Variants in KMT2C observed in about 807,000 individuals in gnomAD.
KMT2C encodes lysine methyltransferase 2C.
KMT2C carries 88 observed loss-of-function variants against 507.9 expected under a neutral mutation model. The observed-to-expected ratio is 0.17, with a 90% CI of 0.15 to 0.21. The LOEUF is 0.21. Ranked by LOEUF, KMT2C falls within the 10% of genes least tolerant of loss-of-function variation. The probability of loss-of-function intolerance (pLI) is 1.00; values close to 1 mark genes in which losing one functional copy is unlikely to be tolerated. For missense variants in KMT2C, 4,954 were observed against 5,957.8 expected, an observed-to-expected ratio of 0.83 and a Z score of 5.55; for synonymous variants, 2,049 against 2,080.8, an observed-to-expected ratio of 0.98 and a Z score of 0.42.
At chr7:152,263,860 T>G (rs1325403797) in intron 8 of KMT2C, among the ~76,000 whole-genome samples, 2 of 152,096 alleles carry the variant, frequency 1.3e-5, no homozygotes, top group Admixed American at 6.5e-5. Flanking sequence ...ATAATCACTT[T>G]CAGATACTAT....
chr7:152,332,373 A>G (rs2096892456), intron 2 of KMT2C, among the ~76,000 whole-genome samples: 1 of 152,164 alleles, frequency 6.6e-6, no homozygotes, highest in African/African-American at 2.4e-5. Context: ...TTCTAATTTG[A>G]AATTTATTTA....
At position 152,158,881 on chromosome 7, in the gene KMT2C, C is replaced by T. The variant is rs777762993; in HGVS notation, c.11652G>A (p.Thr3884=). The change falls in exon 44 of 59, where the codon ACG becomes ACA. Residue 3884 remains threonine (T), a synonymous_variant. Coordinates refer to ENST00000262189, the MANE Select transcript of KMT2C (RefSeq NM_170606.3). ...EKQAMYSSTD[T]FTHLKQQNNL... ...CCCTCACCTGTTTCAAGTGGGTAAA[C>T]GTGTCAGTGCTAGAGTACATAGCTT... The T allele has an allele frequency of 6.8e-6, 11 of 1,614,042 alleles. 1 individual carries two copies. Among genetic ancestry groups the T allele is most frequent in the South Asian group, 2.2e-5 (2 of 91,082 alleles).
intron 52 of KMT2C, 76 bp downstream of exon 52, chr7:152,147,956 GA>G: frequency 7.0e-7 from 1 of 1,437,644 alleles, no homozygotes; most frequent in Non-Finnish European, 9.3e-7. Flanking sequence ...GACAAACATG[GA>G]AAATTGACAA....
chr7:152,376,166 A>G (rs1564036103), intron 1 of KMT2C, among the ~76,000 whole-genome samples: 1 of 152,166 alleles, frequency 6.6e-6, no homozygotes, highest in Non-Finnish European at 1.5e-5. Flanking sequence ...GATGGCTAAC[A>G]TATAATGTGT....
chr7:152,374,339 ATAAT>A (rs1038213997), intron 1 of KMT2C, among the ~76,000 whole-genome samples: 22 of 151,508 alleles, frequency 1.5e-4, no homozygotes, highest in Admixed American at 1.1e-3. Context: ...AATAATAATA[ATAAT>A]TAATAAAAAT....
intron 1 of KMT2C, among the ~76,000 whole-genome samples, chr7:152,431,984 T>C (rs1157128454): frequency 2.6e-5 from 4 of 152,182 alleles, no homozygotes; most frequent in African/African-American, 7.2e-5. Flanking sequence ...GGGAAGGGCG[T>C]TACAAATACA....
intron 1 of KMT2C, among the ~76,000 whole-genome samples, chr7:152,397,965 CTTGTT>C (rs1219384686): frequency 6.6e-6 from 1 of 152,138 alleles, no homozygotes; most frequent in Non-Finnish European, 1.5e-5. Context: ...AACACTCATT[CTTGTT>C]TTGAGTCTTC....
intron 1 of KMT2C, among the ~76,000 whole-genome samples, chr7:152,434,253 T>TAC (rs2097894133): frequency 6.6e-6 from 1 of 152,226 alleles, no homozygotes; most frequent in African/African-American, 2.4e-5. Context: ...TGTAATAATG[T>TAC]ACACACATCC....
At chr7:152,290,042 A>C (rs2096382438) in intron 6 of KMT2C, among the ~76,000 whole-genome samples, 1 of 149,194 alleles carries the variant, frequency 6.7e-6, no homozygotes, top group Non-Finnish European at 1.5e-5. Context: ...TTCTGTCTCA[A>C]AACAAACAAA....
At chr7:152,297,342 C>G (rs1028507119) in intron 6 of KMT2C, among the ~76,000 whole-genome samples, 7 of 152,110 alleles carry the variant, frequency 4.6e-5, no homozygotes, top group African/African-American at 1.7e-4. Context: ...AATAACTGCA[C>G]AGAATGCTGA....
intron 2 of KMT2C, among the ~76,000 whole-genome samples, chr7:152,346,733 G>T (rs1438160811): frequency 6.6e-6 from 1 of 152,098 alleles, no homozygotes; most frequent in Non-Finnish European, 1.5e-5. Context: ...TTGACAGGAA[G>T]CCTTACCAAT....
In KMT2C at chr7:152,180,783, C is replaced by T. The variant is rs201191473; in HGVS notation, c.7077G>A (p.Val2359=). 9.3e-6 allele frequency: 15 copies of T among 1,614,110 alleles called. No individual in the cohort carries two copies. The Admixed American group carries it at 2.5e-4, about 27-fold the overall frequency. Residue 2359 remains valine, a synonymous_variant, in exon 36 of 59, where the codon GTG becomes GTA. Transcript: ENST00000262189. ...GTGTATCAGTTACTCCTGAAGTTGG[C>T]ACAGGTCCAGGAAGTTGGGAGACAC... ...FSGVSQLPGP[V]PTSGVTDTQN...
intron 23 of KMT2C, among the ~76,000 whole-genome samples, chr7:152,211,876 G>A (rs1199370754): frequency 3.9e-5 from 6 of 152,178 alleles, no homozygotes; most frequent in Admixed American, 3.3e-4. Context: ...GTGAAAACCC[G>A]TCTCTACTAA....
chr7:152,361,493 G>A (rs1432606134), intron 1 of KMT2C, among the ~76,000 whole-genome samples: 3 of 152,108 alleles, frequency 2.0e-5, no homozygotes, highest in Non-Finnish European at 4.4e-5. Flanking sequence ...AACCCGGGAG[G>A]CAGAGGTTGC....
At chr7:152,319,848 C>T (rs1429794698) in intron 3 of KMT2C, among the ~76,000 whole-genome samples, 5 of 152,122 alleles carry the variant, frequency 3.3e-5, no homozygotes, top group Admixed American at 3.3e-4. Context: ...CTCTCTCTGC[C>T]TCAGCTGCCA....
At chr7:152,426,568 T>G (rs1564215838) in intron 1 of KMT2C, among the ~76,000 whole-genome samples, 12 of 152,124 alleles carry the variant, frequency 7.9e-5, no homozygotes. Flanking sequence ...GTGAGTTTGG[T>G]TTCTAATCAC....
chr7:152,361,159 G>C (rs1315952210), intron 1 of KMT2C, among the ~76,000 whole-genome samples: 1 of 152,056 alleles, frequency 6.6e-6, no homozygotes, highest in Non-Finnish European at 1.5e-5. Flanking sequence ...TAAATAAAAA[G>C]ACTACAAAAC....
intron 2 of KMT2C, among the ~76,000 whole-genome samples, chr7:152,341,444 T>C (rs1446331458): frequency 4.6e-5 from 7 of 152,216 alleles, no homozygotes; most frequent in Admixed American, 4.6e-4. Flanking sequence ...GCAGTCAGTA[T>C]TTCAAACACT....
chr7:152,275,144 C>A (rs1409742555), intron 6 of KMT2C, among the ~76,000 whole-genome samples: 1 of 152,166 alleles, frequency 6.6e-6, no homozygotes, highest in African/African-American at 2.4e-5. Context: ...ATCTGTATAT[C>A]ACATACTATC....
Sources: gnomAD v4.1 joint callset for allele counts (sites outside exome capture counted in the v4.1 genomes callset) on GRCh38, gnomAD v4.1.1 for gene constraint, MANE v1.5 for transcripts, NCBI Gene and HGNC (gene_info 2026-07-23, HGNC 2026-07-21) for gene names.